LRPPRC: variants seen among roughly 807,000 people sequenced by gnomAD.
The protein encoded by LRPPRC is leucine-rich PPR motif-containing protein, mitochondrial.
A neutral mutation model predicts 180.3 loss-of-function variants in LRPPRC; 120 were observed. The observed-to-expected ratio is 0.67, with a 90% CI of 0.57 to 0.77. The LOEUF (loss-of-function observed/expected upper bound fraction) is 0.77, where lower values mean the gene tolerates loss of function less well. Among genes scored for constraint, LRPPRC ranks in the 30% least tolerant of loss-of-function variants. The pLI, the probability that LRPPRC is intolerant of heterozygous loss-of-function variation, is 0.00. For missense variants in LRPPRC, 2,012 were observed against 1,657.2 expected (o/e 1.21, Z -3.72); for synonymous variants, 723 against 600.0 (o/e 1.21, Z -3.00).
intron 3 of LRPPRC, among the ~76,000 whole-genome samples, chr2:43,977,632 C>A (rs950837263): frequency 1.8e-4 from 27 of 152,174 alleles, no homozygotes; most frequent in African/African-American, 6.3e-4. Context: ...ATTACAGACA[C>A]ACTGTGAAGA....
At chr2:43,939,387 T>C (rs1356028878) in intron 23 of LRPPRC, among the ~76,000 whole-genome samples, 2 of 152,312 alleles carry the variant, frequency 1.3e-5, no homozygotes, top group Non-Finnish European at 2.9e-5. Flanking sequence ...AACTTATACA[T>C]TGTTAGTGAA....
At chr2:43,921,725 T>C (rs1480736313) in intron 27 of LRPPRC, among the ~76,000 whole-genome samples, 8 of 152,168 alleles carry the variant, frequency 5.3e-5, no homozygotes, top group Non-Finnish European at 1.0e-4. Flanking sequence ...ATTGTTTGAA[T>C]CTTTAGTAAT....
intron 1 of LRPPRC, among the ~76,000 whole-genome samples, chr2:43,985,186 G>A (rs1674476614): frequency 6.6e-6 from 1 of 151,798 alleles, no homozygotes; most frequent in South Asian, 2.1e-4. Flanking sequence ...AGCAGAGACT[G>A]ACTAGAAAAA....
chr2:43,961,778 T>C (rs1317503516), intron 12 of LRPPRC, among the ~76,000 whole-genome samples: 2 of 152,122 alleles, frequency 1.3e-5, no homozygotes, highest in Non-Finnish European at 2.9e-5. Flanking sequence ...CTGGCCAACA[T>C]GGTGAAATCC....
intron 24 of LRPPRC, 142 bp downstream of exon 24, chr2:43,934,612 A>G: frequency 1.5e-6 from 1 of 676,530 alleles, no homozygotes; most frequent in Non-Finnish European, 2.5e-6. Context: ...TCTACCTGAT[A>G]TTTTTCTTTT....
chr2:43,974,373 A>G, intron 8 of LRPPRC, 78 bp from the exon 9 acceptor site: 4 of 1,078,998 alleles, frequency 3.7e-6, no homozygotes, highest in Non-Finnish European at 5.7e-6. Flanking sequence ...CCAATACTGA[A>G]GACAAAATAA....
rs1352241394 is a variant in LRPPRC at position 43,893,635 on chromosome 2, T to C, written c.3985+910A>G. Among the ~76,000 whole-genome samples the C allele has an allele frequency of 2.6e-5, 4 of 152,350 alleles. No individual in the cohort carries two copies. In the East Asian group the frequency reaches 7.7e-4, roughly 29 times the overall value. On this transcript the variant is annotated intron_variant, in intron 36 of 37. Transcript: ENST00000260665. Reference sequence around the variant, plus strand: ...CACTATGGTGTAAACATAACTTTTATATGCACTGGGAAACCAAAAAATTCA... The same window carrying C: ...CACTATGGTGTAAACATAACTTTTACATGCACTGGGAAACCAAAAAATTCA...
At chr2:43,913,044 T>C (rs183691084) in intron 29 of LRPPRC, among the ~76,000 whole-genome samples, 47 of 152,272 alleles carry the variant, frequency 3.1e-4, no homozygotes, top group African/African-American at 1.1e-3. Flanking sequence ...ACAATAGCAC[T>C]AAAGAGAATA....
intron 36 of LRPPRC, among the ~76,000 whole-genome samples, chr2:43,891,596 CTT>C (rs1670494900): frequency 6.6e-6 from 1 of 152,198 alleles, no homozygotes; most frequent in African/African-American, 2.4e-5. Flanking sequence ...AGATGGCAAA[CTT>C]GAGAAACGTG....
intron 25 of LRPPRC, among the ~76,000 whole-genome samples, chr2:43,929,860 G>T (rs965369590): frequency 6.6e-6 from 1 of 152,016 alleles, no homozygotes; most frequent in Non-Finnish European, 1.5e-5. Context: ...ACTTGACCAG[G>T]TGTTATAGGA....
chr2:43,943,919 C>T (rs1434717742), intron 22 of LRPPRC, 25 bp from the exon 23 acceptor site: 7 of 1,547,348 alleles, frequency 4.5e-6, no homozygotes, highest in Admixed American at 1.7e-5. Flanking sequence ...CACAAAAGAC[C>T]CTTAGGTAAT....
intron 23 of LRPPRC, among the ~76,000 whole-genome samples, chr2:43,937,112 T>C (rs1366534134): frequency 6.6e-6 from 1 of 152,130 alleles, no homozygotes; most frequent in African/African-American, 2.4e-5. Context: ...TATCAATAAA[T>C]GAATGAATAA....
intron 25 of LRPPRC, among the ~76,000 whole-genome samples, chr2:43,931,514 C>T (rs1282674646): frequency 1.3e-5 from 2 of 152,162 alleles, no homozygotes; most frequent in Non-Finnish European, 2.9e-5. Context: ...TCAGGGCCCT[C>T]ACACAGGCAG....
rs200035918 is a variant in LRPPRC at position 43,918,271 on chromosome 2, C to A, written c.3024G>T (p.Pro1008=). The change falls in exon 28 of 38, where the codon CCG becomes CCT. Residue 1008 remains proline (P), a synonymous_variant. Transcript: ENST00000260665. ...EILREGNQEV[P]FDVPELWYED... is the part of the protein sequence containing the mutation. ...AAACAATTACCTCAGGTACGTCAAA[C>A]GGAACTTCCTGGTTACCCTCTCTAA... 3.7e-6 allele frequency: 6 copies of A among 1,613,248 alleles called. No homozygotes were observed. Among genetic ancestry groups the A allele is most frequent in the East Asian group, 4.5e-5 (2 of 44,872 alleles).
intron 24 of LRPPRC, 123 bp downstream of exon 24, chr2:43,934,631 C>G (rs1486954899): frequency 1.3e-6 from 1 of 773,098 alleles, no homozygotes; most frequent in East Asian, 2.6e-5. Context: ...TTAGATTTCA[C>G]AAGTATAAAG....
In LRPPRC at chr2:43,896,724, T is replaced by C; in HGVS notation, c.3826-16A>G. 1 of 1,512,564 alleles carries C rather than the reference T, an allele frequency of 6.6e-7. No homozygotes were observed. The highest frequency in any genetic ancestry group is 9.2e-7 in the Non-Finnish European group (1 of 1,087,984). 93.7% of individuals were successfully genotyped at this position (1,512,564 alleles called of 1,614,324 possible). ...CACCACATCTCTAAAAATTAAAACA[T>C]TATTCAGTAAGTGAAGGTTTCTGAT... On this transcript the variant is annotated splice_polypyrimidine_tract_variant and intron_variant, in intron 34 of 37. Transcript: ENST00000260665.
At chr2:43,940,006 GCA>G (rs1299346938) in intron 23 of LRPPRC, among the ~76,000 whole-genome samples, 1 of 152,160 alleles carries the variant, frequency 6.6e-6, no homozygotes, top group African/African-American at 2.4e-5. Context: ...AAACCCTACT[GCA>G]CACTGTCCGT....
chr2:43,962,404 A>G (rs1267528431), intron 12 of LRPPRC, among the ~76,000 whole-genome samples: 1 of 152,264 alleles, frequency 6.6e-6, no homozygotes, highest in African/African-American at 2.4e-5. Context: ...TTTTAATGAA[A>G]GAAACACTCT....
rs775978547 is a variant in LRPPRC at position 43,948,492 on chromosome 2, A to C, written c.1762T>G (p.Leu588Val). ...TEAVGYFLYNLIDSMSDSEVQ... is the reference protein window; with the variant it reads ...TEAVGYFLYNVIDSMSDSEVQ... ...TCTGAGTCACTCATGCTGTCAATCAAGTTATAAAGAAAATAGCCAACAGCT... is the reference window on the plus strand; with the variant it reads ...TCTGAGTCACTCATGCTGTCAATCACGTTATAAAGAAAATAGCCAACAGCT... The change falls in exon 17 of 38, where the codon TTG becomes GTG. Residue 588 changes from leucine (L) to valine (V), a missense_variant. Leu to Val is a conservative substitution (Grantham distance 32, BLOSUM62 1). Transcript: ENST00000260665. The C allele has an allele frequency of 6.2e-7, 1 of 1,608,386 alleles. No homozygotes were observed. Among genetic ancestry groups the C allele is most frequent in the South Asian group, 1.1e-5 (1 of 90,962 alleles).
Sources: gnomAD v4.1 joint callset for allele counts (sites outside exome capture counted in the v4.1 genomes callset) on GRCh38, gnomAD v4.1.1 for gene constraint, MANE v1.5 for transcripts, NCBI Gene and HGNC (gene_info 2026-07-23, HGNC 2026-07-21) for gene names.